CACNA1C: variants seen among roughly 807,000 people sequenced by gnomAD.
CACNA1C encodes the protein calcium voltage-gated channel subunit alpha1 C, also known as voltage-dependent L-type calcium channel subunit alpha-1C.
CACNA1C carries 30 observed loss-of-function variants against 229.0 expected under a neutral mutation model. That is an observed-to-expected ratio of 0.13 (90% CI 0.10 to 0.18). CACNA1C has a LOEUF of 0.18. Among genes scored for constraint, CACNA1C ranks in the 10% least tolerant of loss-of-function variants. The probability of loss-of-function intolerance (pLI) is 1.00; values close to 1 mark genes in which losing one functional copy is unlikely to be tolerated. For synonymous variants in CACNA1C, 1,114 were observed against 1,132.5 expected (o/e 0.98, Z 0.33); for missense variants, 1,658 against 2,845.0 (o/e 0.58, Z 9.49).
chr12:2,025,174 C>T (rs555598586), intron 1 of CACNA1C, among the ~76,000 whole-genome samples: 3 of 152,194 alleles, frequency 2.0e-5, no homozygotes, highest in African/African-American at 7.2e-5. Flanking sequence ...GTAGTGAAGG[C>T]GAGGGGGCCC....
At chr12:2,662,567 T>G (rs2153698355) in intron 34 of CACNA1C, among the ~76,000 whole-genome samples, 1 of 152,328 alleles carries the variant, frequency 6.6e-6, no homozygotes, top group Admixed American at 6.5e-5. Context: ...ATTCTGCAAA[T>G]GAATTGACAT....
intron 3 of CACNA1C, among the ~76,000 whole-genome samples, chr12:2,356,936 C>T (rs1267694204): frequency 5.5e-4 from 83 of 152,192 alleles, no homozygotes; most frequent in Admixed American, 5.4e-3. Context: ...ACTCAGAGTC[C>T]ATGCCTTGGC....
Position 2,575,483 on chromosome 12 carries a change from G to C in CACNA1C, c.1896-6107G>C, listed in dbSNP as rs2058061459. ...ACACCCCCTCCTGTGCTCACTTGCT[G>C]GATGGATTCTACCTGCTTCCCCAGG... On this transcript the variant is annotated intron_variant, in intron 13 of 46. Coordinates refer to ENST00000399655, the MANE Select transcript of CACNA1C (RefSeq NM_000719.7). This position sits in a 1 kb window ranked among gnomAD's most constrained non-coding sequence, Gnocchi z 4.0. Among the ~76,000 whole-genome samples the C allele has an allele frequency of 6.6e-6, 1 of 152,170 alleles. No individual in the cohort carries two copies. The highest frequency in any genetic ancestry group is 1.5e-5 in the Non-Finnish European group (1 of 68,032).
chr12:2,063,153 CT>C (rs200249420), intron 1 of CACNA1C, among the ~76,000 whole-genome samples: 50,329 of 143,386 alleles, frequency 0.35, 9,677 homozygotes, highest in East Asian at 0.58. Flanking sequence ...ATAATAATTC[CT>C]TTTTTTTTTT....
Position 2,653,843 on chromosome 12 carries a change from C to G in CACNA1C, c.4083C>G (p.Pro1361=), listed in dbSNP as rs529645023. The change falls in exon 33 of 47, where the codon CCC becomes CCG. Residue 1361 remains proline (P), a synonymous_variant. Transcript: ENST00000399655. This position sits in a 1 kb window ranked among gnomAD's most constrained non-coding sequence, Gnocchi z 4.7. ...WTFIKSFQAL[P]YVALLIVMLF... ...CCTGCACTTCCTTCCAGGCCCTGCC[C>G]TATGTGGCCCTCCTGATCGTGATGC... 2 of 1,613,922 alleles carry G rather than the reference C, an allele frequency of 1.2e-6. No individual in the cohort carries two copies. Among genetic ancestry groups the G allele is most frequent in the South Asian group, 2.2e-5 (2 of 91,074 alleles).
At chr12:2,041,516 T>C (rs1249410932) in intron 1 of CACNA1C, among the ~76,000 whole-genome samples, 2 of 152,074 alleles carry the variant, frequency 1.3e-5, no homozygotes, top group Admixed American at 1.3e-4. Flanking sequence ...GACCTCGTGA[T>C]CTGCCCGCCT....
chr12:2,595,867 C>T lies in CACNA1C; in HGVS notation c.2664-7C>T, dbSNP rs575664788. ...TTGTCTCTCCTCCTGTCCCCTCTCC[C>T]GTACAGGTTTCGCCTCCAGTGCCAC... On this transcript the variant is annotated splice_polypyrimidine_tract_variant and splice_region_variant and intron_variant, in intron 19 of 46. Coordinates refer to ENST00000399655, the MANE Select transcript of CACNA1C (RefSeq NM_000719.7). This position sits in a 1 kb window ranked among gnomAD's most constrained non-coding sequence, Gnocchi z 4.1. The T allele has an allele frequency of 2.9e-5, 46 of 1,612,870 alleles. No homozygotes were observed. Among genetic ancestry groups the T allele is most frequent in the South Asian group, 5.5e-5 (5 of 90,948 alleles).
At chr12:2,361,315 A>T (rs1056876421) in intron 3 of CACNA1C, among the ~76,000 whole-genome samples, 2 of 152,194 alleles carry the variant, frequency 1.3e-5, no homozygotes, top group African/African-American at 4.8e-5. Context: ...CTTAGTAACT[A>T]AACCTGATTT....
At chr12:2,571,385 G>A (rs917841651) in intron 13 of CACNA1C, among the ~76,000 whole-genome samples, 3 of 152,050 alleles carry the variant, frequency 2.0e-5, no homozygotes, top group Admixed American at 6.5e-5. Flanking sequence ...TGCTCCTCCT[G>A]GGGTCTGGTA....
chr12:2,551,281 T>TAGTACATTTCAGG (rs1361056637), intron 10 of CACNA1C, among the ~76,000 whole-genome samples: 3 of 152,124 alleles, frequency 2.0e-5, no homozygotes, highest in Non-Finnish European at 4.4e-5. Flanking sequence ...AGTCACTTGA[T>TAGTACATTTCAGG]AGTACATTTC....
At chr12:2,571,186 A>G (rs756654277) in intron 13 of CACNA1C, among the ~76,000 whole-genome samples, 1 of 152,166 alleles carries the variant, frequency 6.6e-6, no homozygotes, top group Non-Finnish European at 1.5e-5. Flanking sequence ...AAGGTCACAA[A>G]ACTGCTCAGA....
intron 3 of CACNA1C, among the ~76,000 whole-genome samples, chr12:2,250,241 C>T (rs1328109113): frequency 1.3e-5 from 2 of 152,222 alleles, no homozygotes; most frequent in African/African-American, 4.8e-5. Context: ...TCCACCTGGC[C>T]AGCATCAGCA....
At chr12:2,600,269 T>C (rs943247102) in intron 21 of CACNA1C, among the ~76,000 whole-genome samples, 1 of 152,176 alleles carries the variant, frequency 6.6e-6, no homozygotes, top group Non-Finnish European at 1.5e-5. Context: ...CTATACTCCC[T>C]TGCATCTTTT....
rs1298717122 is a variant in CACNA1C at position 2,287,754 on chromosome 12, G to A, written c.478-161222G>A. 6.6e-6 allele frequency among the ~76,000 whole-genome samples: 1 copy of A among 152,176 alleles called. No individual in the cohort carries two copies. Among genetic ancestry groups the A allele is most frequent in the African/African-American group, 2.4e-5 (1 of 41,440 alleles). ...TGTAAACACAGATTCCTGGGCTCCA[G>A]CTTCCGAGTTTCAGTGGCTCCAGGA... On this transcript the variant is annotated intron_variant, in intron 3 of 46. Coordinates refer to ENST00000399655, the MANE Select transcript of CACNA1C (RefSeq NM_000719.7). This position sits in a 1 kb window ranked among gnomAD's most constrained non-coding sequence, Gnocchi z 4.6.
intron 15 of CACNA1C, among the ~76,000 whole-genome samples, chr12:2,583,910 T>A (rs2061485536): frequency 6.6e-6 from 1 of 152,188 alleles, no homozygotes. Context: ...AAAGCCCCCT[T>A]CCAGCTATGC....
At chr12:2,227,291 G>A (rs938934874) in intron 3 of CACNA1C, among the ~76,000 whole-genome samples, 5 of 152,222 alleles carry the variant, frequency 3.3e-5, no homozygotes, top group African/African-American at 7.2e-5. Flanking sequence ...GTGCTGATTC[G>A]GGAATTTATC....
chr12:2,184,606 T>C (rs553476940), intron 3 of CACNA1C, among the ~76,000 whole-genome samples: 2 of 152,190 alleles, frequency 1.3e-5, no homozygotes, highest in Non-Finnish European at 2.9e-5. Context: ...TTCTACATAG[T>C]TTATTCATTA....
intron 4 of CACNA1C, among the ~76,000 whole-genome samples, chr12:2,453,978 T>C (rs1018977858): frequency 6.6e-6 from 1 of 152,124 alleles, no homozygotes; most frequent in Admixed American, 6.5e-5. Flanking sequence ...AGCCACTTCC[T>C]CTCCCAGAAG....
rs1039199558 is a variant in CACNA1C, at chr12:2,639,233, C to T, written c.3912+4853C>T. 2.0e-5 allele frequency among the ~76,000 whole-genome samples: 3 copies of T among 152,144 alleles called. No individual in the cohort carries two copies. Among genetic ancestry groups the T allele is most frequent in the African/African-American group, 4.8e-5 (2 of 41,432 alleles). On this transcript the variant is annotated intron_variant, in intron 30 of 46. Coordinates refer to ENST00000399655, the MANE Select transcript of CACNA1C (RefSeq NM_000719.7). This position sits in a 1 kb window ranked among gnomAD's most constrained non-coding sequence, Gnocchi z 4.2. ...TCTGTGAGCCGGGGAGGTAAGAGTG[C>T]GATGTCCTGCTGCTCTAGGGAAGCC...
Sources: gnomAD v4.1 joint callset for allele counts (sites outside exome capture counted in the v4.1 genomes callset) on GRCh38, gnomAD v4.1.1 for gene constraint, Gnocchi (gnomAD v3.1) non-coding constraint, MANE v1.5 for transcripts, NCBI Gene and HGNC (gene_info 2026-07-23, HGNC 2026-07-21) for gene names.